PAK3: variants seen among roughly 807,000 people sequenced by gnomAD.
The protein encoded by PAK3 is serine/threonine-protein kinase PAK 3.
In PAK3, 4 loss-of-function variants were observed where a neutral mutation model predicts 41.0. That is an observed-to-expected ratio of 0.10 (90% CI 0.05 to 0.22). The LOEUF is 0.22. Among genes scored for constraint, PAK3 ranks in the 10% least tolerant of loss-of-function variants. PAK3 has a pLI of 1.00. For missense variants in PAK3, 205 were observed against 409.9 expected, an observed-to-expected ratio of 0.50 and a Z score of 4.32; for synonymous variants, 146 against 139.6, an observed-to-expected ratio of 1.05 and a Z score of -0.32.
At chrX:111,079,548 C>A (rs1212484243) in intron 1 of PAK3, among the ~76,000 whole-genome samples, 1 of 112,105 alleles carries the variant, frequency 8.9e-6, no homozygotes, top group Non-Finnish European at 1.9e-5. Context: ...TACACCTGGT[C>A]ACTCAAATGT....
chrX:110,963,975 C>T (rs770614430), intron 1 of PAK3, among the ~76,000 whole-genome samples: 11 of 111,705 alleles, frequency 9.8e-5, no homozygotes, highest in Admixed American at 3.8e-4. Context: ...AGTCAACATC[C>T]GAATCATCTG....
At chrX:111,063,629 G>A (rs1294031267) in intron 1 of PAK3, among the ~76,000 whole-genome samples, 1 of 110,736 alleles carries the variant, frequency 9.0e-6, no homozygotes, top group African/African-American at 3.3e-5. Context: ...TGACTCCTTC[G>A]AGACCAGCCT....
intron 1 of PAK3, among the ~76,000 whole-genome samples, chrX:110,966,349 C>T (rs1481211456): frequency 9.0e-6 from 1 of 110,653 alleles, no homozygotes; most frequent in Non-Finnish European, 1.9e-5. Flanking sequence ...ATTCTACCGC[C>T]TCTACAGGCC....
chrX:111,197,196 A>G (rs1338840668), intron 16 of PAK3, among the ~76,000 whole-genome samples: 1 of 111,725 alleles, frequency 9.0e-6, no homozygotes, highest in Non-Finnish European at 1.9e-5. Context: ...CTGTTTCTAC[A>G]TTAATTTGCT....
intron 8 of PAK3, among the ~76,000 whole-genome samples, chrX:111,160,676 C>G (rs1223229620): frequency 1.8e-5 from 2 of 109,969 alleles, no homozygotes; most frequent in Non-Finnish European, 3.8e-5. Context: ...TCCATGTGTT[C>G]TCATTGTTCA....
At chrX:111,050,871 G>T (rs2092551000) in intron 1 of PAK3, among the ~76,000 whole-genome samples, 1 of 112,054 alleles carries the variant, frequency 8.9e-6, no homozygotes, top group African/African-American at 3.2e-5. Flanking sequence ...TTGATTGCAG[G>T]GCTTATTTGT....
Position 111,151,779 on chromosome X carries a change from C to T in PAK3, c.431-631C>T, listed in dbSNP as rs757851699. On this transcript the variant is annotated intron_variant, in intron 7 of 17. Transcript: ENST00000372007. ...ATATGCCAGCATCACTACTTTTGCT[C>T]TTTGGGGCCATTATGAAGTAAAATA... 2.7e-5 allele frequency among the ~76,000 whole-genome samples: 3 copies of T among 111,599 alleles called. 1 individual carries two copies. The highest frequency in any genetic ancestry group is 1.9e-5 in the Non-Finnish European group (1 of 53,065).
intron 1 of PAK3, among the ~76,000 whole-genome samples, chrX:111,044,741 C>T (rs1368835822): frequency 1.8e-5 from 2 of 112,333 alleles, no homozygotes; most frequent in African/African-American, 3.2e-5. Context: ...AGTGCTTTTA[C>T]GCATGAGTGT....
chrX:110,960,998 C>T, intron 1 of PAK3, among the ~76,000 whole-genome samples: 1 of 111,202 alleles, frequency 9.0e-6, no homozygotes. Flanking sequence ...TCTCATGTGT[C>T]AATATATTTT....
At chrX:111,026,342 A>G (rs775043300) in intron 1 of PAK3, among the ~76,000 whole-genome samples, 1 of 111,691 alleles carries the variant, frequency 9.0e-6, no homozygotes, top group African/African-American at 3.3e-5. Flanking sequence ...GGGCATCCAA[A>G]TTGGTAAAGA....
intron 17 of PAK3, among the ~76,000 whole-genome samples, chrX:111,219,190 A>T (rs867095539): frequency 1.2e-5 from 1 of 84,409 alleles, no homozygotes; most frequent in African/African-American, 4.2e-5. Flanking sequence ...AGTCCATCTC[A>T]AATAATAATA....
chrX:111,171,155 C>T (rs967563231), intron 10 of PAK3, among the ~76,000 whole-genome samples: 10 of 110,642 alleles, frequency 9.0e-5, no homozygotes, highest in Admixed American at 2.9e-4. Flanking sequence ...ATTGAAAGCC[C>T]GAACAATAGC....
intron 1 of PAK3, among the ~76,000 whole-genome samples, chrX:111,071,940 TA>T (rs1469159353): frequency 8.9e-6 from 1 of 111,808 alleles, no homozygotes; most frequent in Non-Finnish European, 1.9e-5. Context: ...ATCACCAAGG[TA>T]GCTAACAAAC....
At chrX:111,045,690 C>T (rs1602989270) in intron 1 of PAK3, among the ~76,000 whole-genome samples, 1 of 112,035 alleles carries the variant, frequency 8.9e-6, no homozygotes, top group African/African-American at 3.2e-5. Flanking sequence ...ATACCTCCAG[C>T]AATAGAGGCT....
intron 10 of PAK3, among the ~76,000 whole-genome samples, chrX:111,171,014 C>A (rs2094332114): frequency 9.0e-6 from 1 of 110,751 alleles, no homozygotes; most frequent in South Asian, 3.9e-4. Context: ...TTGTACATCT[C>A]AGTCTGTCCA....
intron 16 of PAK3, among the ~76,000 whole-genome samples, chrX:111,201,053 T>G (rs2094677110): frequency 8.9e-6 from 1 of 111,946 alleles, no homozygotes; most frequent in Non-Finnish European, 1.9e-5. Context: ...CTACATTAAG[T>G]CTGCAACAAA....
At chrX:111,002,290 A>T (rs921676405) in intron 1 of PAK3, among the ~76,000 whole-genome samples, 2 of 112,113 alleles carry the variant, frequency 1.8e-5, no homozygotes, top group Admixed American at 9.5e-5. Flanking sequence ...AGAGATGTTA[A>T]ATAACTTACC....
chrX:111,220,815 T>G lies in PAK3; in HGVS notation c.*368T>G, dbSNP rs2094921745. On this transcript the variant is annotated 3_prime_UTR_variant, in exon 18 of 18. Transcript: ENST00000372007. The stretch of plus-strand genomic sequence containing the variant: ...TGTTTTTAAGTTAGAGAGTAGTCCC[T>G]CTTGCATTCAAACCTCCTTCAAAAC... The G allele has an allele frequency of 6.8e-6, 1 of 147,645 alleles. No individual in the cohort carries two copies. Among genetic ancestry groups the G allele is most frequent in the Non-Finnish European group, 1.3e-5 (1 of 76,991 alleles). The allele number at this position is 147,645 out of a possible 1,213,427, so 12.2% of individuals were successfully genotyped here. A position where few individuals can be genotyped will look rare whatever the true frequency, so the allele number is the denominator to read the frequency against.
intron 5 of PAK3, among the ~76,000 whole-genome samples, chrX:111,127,688 G>C (rs1228146154): frequency 9.0e-6 from 1 of 111,274 alleles, no homozygotes; most frequent in East Asian, 2.8e-4. Context: ...TCTTTTGTTG[G>C]CTACTAGAAA....
Sources: gnomAD v4.1 joint callset for allele counts (sites outside exome capture counted in the v4.1 genomes callset) on GRCh38, gnomAD v4.1.1 for gene constraint, MANE v1.5 for transcripts, NCBI Gene and HGNC (gene_info 2026-07-23, HGNC 2026-07-21) for gene names.